UCK2: variants seen among roughly 807,000 people sequenced by gnomAD.
UCK2 encodes cytidine monophosphokinase 2.
A neutral mutation model predicts 30.8 loss-of-function variants in UCK2; 6 were observed. The ratio of observed to expected loss-of-function variants is 0.19; its 90% CI spans 0.11 to 0.38. The LOEUF (loss-of-function observed/expected upper bound fraction) is 0.38. Among genes scored for constraint, UCK2 ranks in the 10% least tolerant of loss-of-function variants. The pLI, the probability that UCK2 is intolerant of heterozygous loss-of-function variation, is 1.00. For synonymous variants in UCK2, 125 were observed against 133.6 expected, an observed-to-expected ratio of 0.94 and a Z score of 0.45; for missense variants, 210 against 339.8, an observed-to-expected ratio of 0.62 and a Z score of 3.00.
rs569818740 is a variant in UCK2, at chr1:165,873,761, G to A, written c.100-16443G>A. On this transcript the variant is annotated intron_variant, in intron 1 of 6. Transcript: ENST00000367879. ...TTTCCCACATGCTGCTTATCTTTGG[G>A]CCTTAGTGCCGAGACGTGGGGGGTG... 3.3e-5 allele frequency among the ~76,000 whole-genome samples: 5 copies of A among 152,084 alleles called. No individual in the cohort carries two copies. In the East Asian group the frequency reaches 9.7e-4, roughly 29 times the overall value.
intron 1 of UCK2, among the ~76,000 whole-genome samples, chr1:165,851,039 C>T (rs1654583868): frequency 6.8e-6 from 1 of 147,046 alleles, no homozygotes; most frequent in South Asian, 2.2e-4. Context: ...GCTGGGATTA[C>T]AGGTGTGAGC....
chr1:165,850,810 G>A (rs1326125707), intron 1 of UCK2, among the ~76,000 whole-genome samples: 1 of 151,224 alleles, frequency 6.6e-6, no homozygotes, highest in African/African-American at 2.4e-5. Flanking sequence ...TTTTAGTAGA[G>A]ACGGGGTTTC....
chr1:165,895,431 AAG>A, intron 3 of UCK2: 1 of 976,904 alleles, frequency 1.0e-6, no homozygotes, highest in South Asian at 4.7e-5. Context: ...AAACAAGAAA[AAG>A]AAAGAAAAGT....
intron 1 of UCK2, among the ~76,000 whole-genome samples, chr1:165,868,339 A>G (rs986441281): frequency 6.6e-6 from 1 of 152,244 alleles, no homozygotes; most frequent in African/African-American, 2.4e-5. Context: ...GCCTCTAACA[A>G]GAGAGTCATC....
At chr1:165,861,418 G>A (rs1429185779) in intron 1 of UCK2, among the ~76,000 whole-genome samples, 5 of 151,544 alleles carry the variant, frequency 3.3e-5, no homozygotes, top group African/African-American at 1.2e-4. Flanking sequence ...CACGAGGTCC[G>A]GACATCGAGA....
In UCK2 at chr1:165,855,918, G is replaced by A. The variant is rs569659278; in HGVS notation, c.99+27986G>A. Among the ~76,000 whole-genome samples the A allele has an allele frequency of 1.2e-4, 19 of 152,218 alleles. No individual in the cohort carries two copies. In the East Asian group the frequency reaches 1.7e-3, roughly 14 times the overall value. ...TCTATTCTCTGCTTGGCCTTTTTAC[G>A]CCCTGGTGCAGATTGACTAACCTGT... is the stretch of plus-strand genomic sequence containing the variant. On this transcript the variant is annotated intron_variant, in intron 1 of 6. Coordinates refer to ENST00000367879, the MANE Select transcript of UCK2 (RefSeq NM_012474.5).
intron 1 of UCK2, among the ~76,000 whole-genome samples, chr1:165,869,325 A>G (rs1361936970): frequency 1.3e-5 from 2 of 152,118 alleles, no homozygotes; most frequent in Non-Finnish European, 2.9e-5. Context: ...TGCTTCACAC[A>G]GTGTTGCCAC....
rs1249940903 is a variant in UCK2 at position 165,908,946 on chromosome 1, C to A, written c.*1123C>A. ...GTTTGCAGTGAGGTGAGGAGAGTAA[C>A]TTTGGTCAGGGATTCTCACTAGCAG... On this transcript the variant is annotated 3_prime_UTR_variant, in exon 7 of 7. Coordinates refer to ENST00000367879, the MANE Select transcript of UCK2 (RefSeq NM_012474.5). The A allele has an allele frequency of 6.6e-6, 1 of 152,180 alleles. No homozygotes were observed. Among genetic ancestry groups the A allele is most frequent in the African/African-American group, 2.4e-5 (1 of 41,396 alleles). 9.4% of individuals were successfully genotyped at this position (152,180 alleles called of 1,614,324 possible). A position where few individuals can be genotyped will look rare whatever the true frequency, so the allele number is the denominator to read the frequency against.
At chr1:165,834,602 T>C (rs937944783) in intron 1 of UCK2, among the ~76,000 whole-genome samples, 14 of 152,204 alleles carry the variant, frequency 9.2e-5, no homozygotes, top group African/African-American at 3.1e-4. Flanking sequence ...GGGCAGTGGT[T>C]CTAAATGTAT....
intron 4 of UCK2, 87 bp from the exon 5 acceptor site, chr1:165,903,095 C>A: frequency 5.3e-6 from 5 of 943,318 alleles, no homozygotes; most frequent in Non-Finnish European, 8.2e-6. Flanking sequence ...ATTGTGGAGC[C>A]TGTGGGAGCT....
intron 1 of UCK2, among the ~76,000 whole-genome samples, chr1:165,865,672 A>G (rs2101867522): frequency 6.6e-6 from 1 of 152,268 alleles, no homozygotes; most frequent in Non-Finnish European, 1.5e-5. Context: ...ACGCTCTTCA[A>G]ACAAAGCCGG....
At position 165,907,735 on chromosome 1, in the gene UCK2, C is replaced by T. The variant is rs1249710014; in HGVS notation, c.698C>T (p.Pro233Leu). Residue 233 changes from proline (P) to leucine (L), a missense_variant, in exon 7 of 7, where the codon CCC becomes CTC. Coordinates refer to ENST00000367879, the MANE Select transcript of UCK2 (RefSeq NM_012474.5). ...ATCCAGGACATCCTGAATGGAGGGC[C>T]CTCCAAACGGCAGACCAATGGCTGT... Reference protein sequence around the residue: ...QHIQDILNGGPSKRQTNGCLN... With the variant: ...QHIQDILNGGLSKRQTNGCLN... 1 of 1,614,028 alleles carries T rather than the reference C, an allele frequency of 6.2e-7. No homozygotes were observed. The highest frequency in any genetic ancestry group is 8.5e-7 in the Non-Finnish European group (1 of 1,180,038).
At chr1:165,887,237 C>T (rs539989278) in intron 1 of UCK2, among the ~76,000 whole-genome samples, 23 of 152,298 alleles carry the variant, frequency 1.5e-4, no homozygotes, top group Middle Eastern at 3.4e-3. Context: ...GGGTCACCAG[C>T]CAGGTCCTTG....
chr1:165,890,012 A>AG (rs1655725793), intron 1 of UCK2, among the ~76,000 whole-genome samples, 192 bp from the exon 2 acceptor site: 1 of 152,080 alleles, frequency 6.6e-6, no homozygotes, highest in Non-Finnish European at 1.5e-5. Flanking sequence ...TTCCCACATG[A>AG]GACGTGATCT....
chr1:165,885,937 C>A (rs890248859), intron 1 of UCK2, among the ~76,000 whole-genome samples: 1 of 152,082 alleles, frequency 6.6e-6, no homozygotes, highest in African/African-American at 2.4e-5. Context: ...ACCATCGTAA[C>A]CGTCTTTAAG....
chr1:165,881,205 AAGAG>A (rs1226698543), intron 1 of UCK2, among the ~76,000 whole-genome samples: 3 of 150,702 alleles, frequency 2.0e-5, no homozygotes, highest in African/African-American at 4.9e-5. Context: ...AAAAAAAAAA[AAGAG>A]ATGATGTAGA....
intron 1 of UCK2, among the ~76,000 whole-genome samples, chr1:165,869,375 C>G (rs1655134591): frequency 6.6e-6 from 1 of 152,058 alleles, no homozygotes; most frequent in Non-Finnish European, 1.5e-5. Flanking sequence ...ATCTGTGAAG[C>G]ACAATAAAAT....
At chr1:165,888,172 A>AT (rs1305233049) in intron 1 of UCK2, among the ~76,000 whole-genome samples, 2 of 152,030 alleles carry the variant, frequency 1.3e-5, no homozygotes, top group Non-Finnish European at 2.9e-5. Context: ...AAGATTTCAT[A>AT]TTTTTGTTGT....
intron 1 of UCK2, among the ~76,000 whole-genome samples, chr1:165,866,819 G>A (rs896275988): frequency 5.3e-5 from 8 of 152,260 alleles, no homozygotes; most frequent in African/African-American, 1.7e-4. Context: ...AAGACTCATC[G>A]TACTGTATTG....
Sources: allele counts gnomAD v4.1 joint callset (sites outside exome capture counted in the v4.1 genomes callset), GRCh38; gene constraint gnomAD v4.1.1; transcripts MANE v1.5; gene names NCBI Gene and HGNC (gene_info 2026-07-23, HGNC 2026-07-21).